Variants in ANXA4 observed in about 807,000 individuals in gnomAD.
The protein encoded by ANXA4 is annexin A4.
Under a neutral mutation model 49.8 loss-of-function variants are expected in ANXA4, and 39 were observed. The observed-to-expected ratio is 0.78, with a 90% CI of 0.61 to 1.02. The LOEUF is 1.02. ANXA4 is among the 50% of genes least tolerant of loss of function. ANXA4 has a pLI of 0.00. For missense variants in ANXA4, 360 were observed against 410.1 expected, an observed-to-expected ratio of 0.88 and a Z score of 1.05; for synonymous variants, 134 against 152.5, an observed-to-expected ratio of 0.88 and a Z score of 0.89.
chr2:69,731,267 C>T (rs1477127232), intron 3 of ANXA4, among the ~76,000 whole-genome samples: 1 of 152,302 alleles, frequency 6.6e-6, no homozygotes, highest in East Asian at 1.9e-4. Flanking sequence ...TGGCTCCCTT[C>T]CCTTCTTGCA....
At chr2:69,729,124 G>A (rs535279905) in intron 3 of ANXA4, among the ~76,000 whole-genome samples, 1 of 152,080 alleles carries the variant, frequency 6.6e-6, no homozygotes, top group Non-Finnish European at 1.5e-5. Context: ...AGCAATTCTC[G>A]TGCCTCAGCT....
intron 12 of ANXA4, 145 bp downstream of exon 12, chr2:69,820,966 T>G: frequency 1.1e-6 from 1 of 943,140 alleles, no homozygotes; most frequent in Non-Finnish European, 1.5e-6. Context: ...GTCTCTCCTC[T>G]TTCACACAGA....
chr2:69,693,544 T>A (rs1404241430), intron 2 of ANXA4, among the ~76,000 whole-genome samples: 2 of 152,106 alleles, frequency 1.3e-5, no homozygotes, highest in African/African-American at 2.4e-5. Context: ...TGCAGGAACA[T>A]GCAGCATGTC....
At chr2:69,681,592 A>G (rs1362162145) in intron 2 of ANXA4, among the ~76,000 whole-genome samples, 1 of 152,060 alleles carries the variant, frequency 6.6e-6, no homozygotes, top group Non-Finnish European at 1.5e-5. Flanking sequence ...TGGGCCTTCC[A>G]AAGTGCTGGG....
chr2:69,754,969 G>A (rs890067605), intron 1 of ANXA4, among the ~76,000 whole-genome samples: 7 of 152,160 alleles, frequency 4.6e-5, no homozygotes, highest in Non-Finnish European at 1.0e-4. Context: ...GTCTGTATAC[G>A]AAGGTGGCTC....
At chr2:69,780,784 G>A (rs1202577745) in intron 1 of ANXA4, among the ~76,000 whole-genome samples, 1 of 152,174 alleles carries the variant, frequency 6.6e-6, no homozygotes, top group East Asian at 1.9e-4. Flanking sequence ...ATATGACTTA[G>A]ATATGGGAAT....
intron 2 of ANXA4, among the ~76,000 whole-genome samples, chr2:69,781,797 C>A (rs1365154749): frequency 2.0e-5 from 3 of 152,110 alleles, no homozygotes; most frequent in East Asian, 1.9e-4. Flanking sequence ...TCTTTGAATT[C>A]TTTTAACATC....
chr2:69,804,776 T>A, intron 4 of ANXA4, 149 bp downstream of exon 4: 1 of 721,100 alleles, frequency 1.4e-6, no homozygotes, highest in Non-Finnish European at 2.3e-6. Context: ...CCAGGTGTGG[T>A]GGGTCACACC....
upstream of ANXA4, among the ~76,000 whole-genome samples, chr2:69,738,313 A>G (rs1376529808): frequency 6.6e-6 from 1 of 152,238 alleles, no homozygotes; most frequent in East Asian, 1.9e-4. Flanking sequence ...AGATTCCCCA[A>G]AGAAAAGTAT....
chr2:69,755,627 TGG>T (rs981441502), intron 1 of ANXA4, among the ~76,000 whole-genome samples: 24 of 152,306 alleles, frequency 1.6e-4, no homozygotes, highest in East Asian at 1.3e-3. Context: ...ATTTTTTTAA[TGG>T]TTAAAATGGT....
At chr2:69,670,918 C>T (rs971525282) in intron 2 of ANXA4, among the ~76,000 whole-genome samples, 2 of 149,484 alleles carry the variant, frequency 1.3e-5, no homozygotes, top group African/African-American at 4.9e-5. Flanking sequence ...CTCAGCTACT[C>T]AGGAAGCTGA....
chr2:69,780,540 G>C (rs931149550), intron 1 of ANXA4, among the ~76,000 whole-genome samples: 4 of 152,120 alleles, frequency 2.6e-5, no homozygotes, highest in Non-Finnish European at 5.9e-5. Context: ...ATGTACTCCT[G>C]GTTCTAGGAT....
chr2:69,789,282 G>A (rs370168383), intron 3 of ANXA4, among the ~76,000 whole-genome samples: 1 of 152,096 alleles, frequency 6.6e-6, no homozygotes, highest in Non-Finnish European at 1.5e-5. Flanking sequence ...TCACCAAGTC[G>A]CACAGTGAGT....
chr2:69,773,921 C>T (rs560503230), intron 1 of ANXA4, among the ~76,000 whole-genome samples: 20 of 152,088 alleles, frequency 1.3e-4, no homozygotes, highest in East Asian at 3.9e-4. Flanking sequence ...TGAGTCACCG[C>T]GCCCGTCCTC....
Position 69,781,295 on chromosome 2 carries a change from A to C in ANXA4, c.-46-225A>C. The stretch of plus-strand genomic sequence containing the variant: ...TGTAGTGTGTATCTCCAAACAGAAG[A>C]ACAGGTGGGAAAATATTTTACCAGT... On this transcript the variant is annotated intron_variant, in intron 1 of 12. Transcript: ENST00000394295. The C allele has an allele frequency of 1.7e-5, 10 of 576,882 alleles. No individual in the cohort carries two copies. In the South Asian group the frequency reaches 2.1e-4, roughly 12 times the overall value. 35.7% of individuals were successfully genotyped at this position (576,882 alleles called of 1,614,324 possible).
rs200763135 is a variant in ANXA4 at position 69,676,879 on chromosome 2, CG to C, written n.766+23602del. 8.5e-3 allele frequency among the ~76,000 whole-genome samples: 1,298 copies of C among 151,840 alleles called. 23 individuals are homozygous for C. The highest frequency in any genetic ancestry group is 0.029 in the African/African-American group (1,214 of 41,412). On this transcript the variant is annotated intron_variant and non_coding_transcript_variant, in intron 2 of 3. Coordinates refer to the ANXA4 transcript ENST00000418066. The stretch of plus-strand genomic sequence containing the variant: ...CTGTACTCCAGCCTGGGCGACAGAG[CG>C]GGGGAAAAAAACAAAAAAACACCCC...
chr2:69,759,868 T>C (rs189642096), intron 1 of ANXA4, among the ~76,000 whole-genome samples: 210 of 152,348 alleles, frequency 1.4e-3, no homozygotes, highest in Admixed American at 4.6e-3. Flanking sequence ...AGTCTGGCTC[T>C]ATCGCCCAGG....
chr2:69,683,882 G>A (rs982826987), intron 2 of ANXA4, among the ~76,000 whole-genome samples: 2 of 152,176 alleles, frequency 1.3e-5, no homozygotes, highest in Non-Finnish European at 2.9e-5. Flanking sequence ...TCCTAGCTCA[G>A]GGCCTCTGGA....
chr2:69,774,011 C>T lies in ANXA4; in HGVS notation c.-46-7509C>T, dbSNP rs541116082. On this transcript the variant is annotated intron_variant, in intron 1 of 12. Coordinates refer to ENST00000394295, the MANE Select transcript of ANXA4 (RefSeq NM_001153.5). ...CTAATTTTGCTATTTTTAGTAGAGG[C>T]AGGGTTTCACCGTGTTGGCCAGGCT... Among the ~76,000 whole-genome samples, 8 of 152,042 alleles carry T rather than the reference C, an allele frequency of 5.3e-5. No individual in the cohort carries two copies. In the South Asian group the frequency reaches 1.7e-3, roughly 32 times the overall value.
Sources: allele counts gnomAD v4.1 joint callset (sites outside exome capture counted in the v4.1 genomes callset), GRCh38; gene constraint gnomAD v4.1.1; transcripts MANE v1.5; gene names NCBI Gene and HGNC (gene_info 2026-07-23, HGNC 2026-07-21).